The following PTPRF variants were observed in gnomAD, a reference collection of about 807,000 sequenced individuals.
PTPRF encodes receptor-type tyrosine-protein phosphatase F.
Under a neutral mutation model 201.8 loss-of-function variants are expected in PTPRF, and 59 were observed. That is an observed-to-expected ratio of 0.29 (90% confidence interval 0.24 to 0.36). The LOEUF (loss-of-function observed/expected upper bound fraction) is 0.36, where lower values mean the gene tolerates loss of function less well. PTPRF is among the 10% of genes least tolerant of loss of function. The probability of loss-of-function intolerance (pLI) is 1.00; values close to 1 mark genes in which losing one functional copy is unlikely to be tolerated. For missense variants in PTPRF, 2,132 were observed against 2,690.5 expected, an observed-to-expected ratio of 0.79 and a Z score of 4.59; for synonymous variants, 1,088 against 1,089.7, an observed-to-expected ratio of 1.00 and a Z score of 0.03.
rs547898493 is a variant in PTPRF, at chr1:43,587,952, G to A, written c.680-779G>A. On this transcript the variant is annotated intron_variant, in intron 7 of 33. Transcript: ENST00000359947. Reference sequence around the variant, plus strand: ...AGGCTGGAGGTCGTGGCCAGGCACAGCCACAGCCACCCCTCCCCTTGAGAC... The same window carrying A: ...AGGCTGGAGGTCGTGGCCAGGCACAACCACAGCCACCCCTCCCCTTGAGAC... Among the ~76,000 whole-genome samples, 9 of 152,320 alleles carry A rather than the reference G, an allele frequency of 5.9e-5. No homozygotes were observed. In the East Asian group the frequency reaches 1.7e-3, roughly 29 times the overall value.
intron 1 of PTPRF, among the ~76,000 whole-genome samples, chr1:43,531,941 C>T (rs1643588187): frequency 1.3e-5 from 2 of 152,216 alleles, no homozygotes; most frequent in Non-Finnish European, 2.9e-5. Context: ...CTCCCAATCT[C>T]ACGCCCCTGC....
intron 6 of PTPRF, among the ~76,000 whole-genome samples, chr1:43,573,707 C>T (rs1646726903): frequency 6.6e-6 from 1 of 152,236 alleles, no homozygotes; most frequent in African/African-American, 2.4e-5. Flanking sequence ...CTTCTGGGCC[C>T]CTTCAGTCCC....
intron 11 of PTPRF, among the ~76,000 whole-genome samples, chr1:43,595,967 A>C (rs1652157048): frequency 1.3e-5 from 2 of 152,006 alleles, no homozygotes; most frequent in African/African-American, 2.4e-5. Context: ...GCCTCTAGGG[A>C]CGTGTGCATA....
intron 10 of PTPRF, 26 bp downstream of exon 10, chr1:43,591,974 A>AG (rs546341730): frequency 6.2e-7 from 1 of 1,611,638 alleles, no homozygotes; most frequent in Non-Finnish European, 8.5e-7. Flanking sequence ...AGAAGCACTG[A>AG]GGGGGTCTCC....
At chr1:43,576,589 T>G (rs1324771309) in intron 6 of PTPRF, among the ~76,000 whole-genome samples, 3 of 152,232 alleles carry the variant, frequency 2.0e-5, no homozygotes, top group African/African-American at 2.4e-5. Flanking sequence ...AAGCACAGAT[T>G]CTGGACTCAG....
At chr1:43,566,076 C>T (rs902657729) in intron 5 of PTPRF, among the ~76,000 whole-genome samples, 2 of 152,192 alleles carry the variant, frequency 1.3e-5, no homozygotes, top group Non-Finnish European at 2.9e-5. Flanking sequence ...GCGGTAGATG[C>T]AAACGCCGCG....
chr1:43,522,621 G>A (rs575303681), upstream of PTPRF, among the ~76,000 whole-genome samples: 2 of 152,334 alleles, frequency 1.3e-5, no homozygotes, highest in Admixed American at 6.5e-5. Context: ...TCAGACTAAG[G>A]GTCAGGGAAG....
In PTPRF at chr1:43,588,811, G is replaced by A. The variant is rs568517762; in HGVS notation, c.760G>A (p.Val254Met). The change falls in exon 8 of 34, where the codon GTG becomes ATG. Residue 254 changes from valine to methionine, a missense_variant. Around this residue, in one of 6 missense-constraint regions of PTPRF, gnomAD observed 297 missense variants for 454.0 expected, o/e 0.65. Coordinates refer to ENST00000359947, the MANE Select transcript of PTPRF (RefSeq NM_002840.5). The surrounding 1 kb of genome is among the most constrained non-coding windows in gnomAD (Gnocchi z 5.3). ...MPGGSVNLTC[V>M]AVGAPMPYVK... is the part of the protein sequence containing the mutation. ...AGGCGGCAGCGTGAACCTGACATGCGTGGCAGTGGGTGCACCCATGCCCTA... is the reference window on the plus strand; with the variant it reads ...AGGCGGCAGCGTGAACCTGACATGCATGGCAGTGGGTGCACCCATGCCCTA... 14 of 1,614,080 alleles carry A rather than the reference G, an allele frequency of 8.7e-6. No individual in the cohort carries two copies. In the Admixed American group the frequency reaches 1.2e-4, roughly 13 times the overall value.
chr1:43,612,953 T>C (rs945896204), intron 22 of PTPRF, among the ~76,000 whole-genome samples: 1 of 151,534 alleles, frequency 6.6e-6, no homozygotes, highest in African/African-American at 2.4e-5. Flanking sequence ...CTCCTAACCT[T>C]TTTCCTTCCC....
chr1:43,558,455 A>G (rs1645547098), intron 5 of PTPRF, among the ~76,000 whole-genome samples: 1 of 151,732 alleles, frequency 6.6e-6, no homozygotes, highest in South Asian at 2.1e-4. Context: ...TGTTATTCCC[A>G]GTGTGGCCTC....
At chr1:43,601,894 G>T (rs1653839011) in intron 13 of PTPRF, among the ~76,000 whole-genome samples, 177 bp from the exon 14 acceptor site, 1 of 152,204 alleles carries the variant, frequency 6.6e-6, no homozygotes, top group African/African-American at 2.4e-5. Flanking sequence ...GCTCAGTGAG[G>T]CAGGGATTCA....
intron 33 of PTPRF, 63 bp downstream of exon 33, chr1:43,621,295 T>C (rs1659159590): frequency 6.3e-7 from 1 of 1,581,244 alleles, no homozygotes; most frequent in Non-Finnish European, 8.6e-7. Flanking sequence ...ACCCTAGGCT[T>C]TAGCAACAGT....
intron 7 of PTPRF, chr1:43,583,222 G>C: frequency 1.6e-6 from 1 of 644,650 alleles, no homozygotes; most frequent in Non-Finnish European, 1.9e-6. Context: ...AGTCTCTGTT[G>C]TTTGGGCCGG....
intron 11 of PTPRF, among the ~76,000 whole-genome samples, chr1:43,593,312 A>G (rs2154014590): frequency 6.6e-6 from 1 of 152,032 alleles, no homozygotes; most frequent in South Asian, 2.1e-4. Flanking sequence ...GCACCTGTGT[A>G]TGTGCATCAG....
chr1:43,526,159 C>T (rs566049233), upstream of PTPRF, among the ~76,000 whole-genome samples: 4 of 152,168 alleles, frequency 2.6e-5, no homozygotes, highest in South Asian at 8.3e-4. Context: ...TGTGGGTTTG[C>T]GGATTTGGTA....
At chr1:43,571,142 A>C (rs1646542064) in intron 6 of PTPRF, among the ~76,000 whole-genome samples, 1 of 151,756 alleles carries the variant, frequency 6.6e-6, no homozygotes, top group South Asian at 2.1e-4. Context: ...CTATCACTCC[A>C]CTGGATGCCA....
intron 22 of PTPRF, chr1:43,612,711 C>G: frequency 7.6e-7 from 1 of 1,321,142 alleles, no homozygotes; most frequent in Non-Finnish European, 1.0e-6. Flanking sequence ...AGTTAACGGG[C>G]TTTCTTTTCT....
rs1477499396 is a variant in PTPRF at position 43,588,694 on chromosome 1, G to T, written c.680-37G>T. 6.2e-7 allele frequency: 1 copy of T among 1,606,852 alleles called. No homozygotes were observed. Among genetic ancestry groups the T allele is most frequent in the African/African-American group, 1.3e-5 (1 of 74,832 alleles). On this transcript the variant is annotated intron_variant, in intron 7 of 33. Transcript: ENST00000359947. This position sits in a 1 kb window ranked among gnomAD's most constrained non-coding sequence, Gnocchi z 5.3. The stretch of plus-strand genomic sequence containing the variant: ...GCCCTTCCATGCAGTCGTGTGTCCT[G>T]CCCGGCCTGTGAGTGCCTCTCTCCC...
chr1:43,604,030 A>G lies in PTPRF; in HGVS notation c.2878A>G (p.Ser960Gly). Reference protein sequence around the residue: ...SYTVVFRDINSQQELQNITTD... With the variant: ...SYTVVFRDINGQQELQNITTD... The stretch of plus-strand genomic sequence containing the variant: ...CACCGTGGTGTTCCGAGACATCAAC[A>G]GCCAACAGGAGCTGCAGAACATCAC... Residue 960 changes from serine (S) to glycine (G), a missense_variant, in exon 16 of 34, where the codon AGC becomes GGC. This residue lies in a region of PTPRF where 818 missense variants were observed against 915.3 expected (regional missense o/e 0.89). Coordinates refer to ENST00000359947, the MANE Select transcript of PTPRF (RefSeq NM_002840.5). 2 of 1,614,234 alleles carry G rather than the reference A, an allele frequency of 1.2e-6. No individual in the cohort carries two copies. Among genetic ancestry groups the G allele is most frequent in the Non-Finnish European group, 8.5e-7 (1 of 1,180,054 alleles).
Sources: gnomAD v4.1 joint callset for allele counts (sites outside exome capture counted in the v4.1 genomes callset) on GRCh38, gnomAD v4.1.1 for gene constraint, gnomAD v4.1.1 regional missense constraint, Gnocchi (gnomAD v3.1) non-coding constraint, MANE v1.5 for transcripts, NCBI Gene and HGNC (gene_info 2026-07-23, HGNC 2026-07-21) for gene names.